CNTN5: variants seen among roughly 807,000 people sequenced by gnomAD.
CNTN5 encodes the protein contactin-5.
CNTN5 carries 77 observed loss-of-function variants against 129.1 expected under a neutral mutation model. That is an observed-to-expected ratio of 0.60 (90% CI 0.50 to 0.72). The LOEUF (loss-of-function observed/expected upper bound fraction) is 0.72. Among genes scored for constraint, CNTN5 ranks in the 30% least tolerant of loss-of-function variants. The pLI is 0.00. For synonymous variants in CNTN5, 509 were observed against 465.6 expected, an observed-to-expected ratio of 1.09 and a Z score of -1.20; for missense variants, 1,478 against 1,328.8, an observed-to-expected ratio of 1.11 and a Z score of -1.75.
rs141703715 is a variant in CNTN5, at chr11:99,114,988, G to A, written c.-210+93718G>A. ...GGGGATTAGTGCCCTTATAGAAGAGGCTCAAGAGAGCTCCCTTCCCCCTTC... is the reference window on the plus strand; with the variant it reads ...GGGGATTAGTGCCCTTATAGAAGAGACTCAAGAGAGCTCCCTTCCCCCTTC... On this transcript the variant is annotated intron_variant, in intron 1 of 24. Coordinates refer to ENST00000524871, the MANE Select transcript of CNTN5 (RefSeq NM_014361.4). Among the ~76,000 whole-genome samples, 472 of 152,194 alleles carry A rather than the reference G, an allele frequency of 3.1e-3. 1 individual carries two copies. The highest frequency in any genetic ancestry group is 0.011 in the African/African-American group (457 of 41,538).
At chr11:100,085,122 G>A (rs1473909433) in intron 13 of CNTN5, among the ~76,000 whole-genome samples, 5 of 152,018 alleles carry the variant, frequency 3.3e-5, no homozygotes, top group Non-Finnish European at 7.4e-5. Flanking sequence ...GGCCCAAAGA[G>A]CACGTGGTAA....
At chr11:100,171,439 G>A (rs1947823084) in intron 13 of CNTN5, among the ~76,000 whole-genome samples, 1 of 151,936 alleles carries the variant, frequency 6.6e-6, no homozygotes, top group Non-Finnish European at 1.5e-5. Flanking sequence ...AATTCTTTAC[G>A]AATATTTGTC....
intron 3 of CNTN5, among the ~76,000 whole-genome samples, chr11:99,634,315 T>A (rs1268441882): frequency 6.6e-6 from 1 of 151,998 alleles, no homozygotes; most frequent in Non-Finnish European, 1.5e-5. Context: ...GAGGGAGATT[T>A]AAGGAAATAC....
chr11:100,022,420 T>G (rs1941210489), intron 9 of CNTN5, among the ~76,000 whole-genome samples: 1 of 152,200 alleles, frequency 6.6e-6, no homozygotes, highest in Admixed American at 6.5e-5. Flanking sequence ...ATTCTATTCT[T>G]TATTCTACCT....
At chr11:99,743,874 T>C (rs1287790367) in intron 3 of CNTN5, among the ~76,000 whole-genome samples, 4 of 152,198 alleles carry the variant, frequency 2.6e-5, no homozygotes, top group African/African-American at 9.7e-5. Flanking sequence ...TCTAATAATT[T>C]AATTCTTCTC....
chr11:99,714,883 T>C (rs1004835763), intron 3 of CNTN5, among the ~76,000 whole-genome samples: 2 of 150,134 alleles, frequency 1.3e-5, no homozygotes, highest in African/African-American at 4.9e-5. Context: ...GCTGTCTAAC[T>C]TCTAGAGACT....
chr11:99,468,879 T>C (rs934792086), intron 2 of CNTN5, among the ~76,000 whole-genome samples: 1 of 152,082 alleles, frequency 6.6e-6, no homozygotes, highest in Non-Finnish European at 1.5e-5. Context: ...AAATGCTTTC[T>C]ACTAGTTTTA....
intron 4 of CNTN5, among the ~76,000 whole-genome samples, chr11:99,831,703 A>C (rs1346452987): frequency 2.0e-5 from 3 of 152,174 alleles, no homozygotes. Flanking sequence ...TTGTCTTATA[A>C]AATCCACTTC....
intron 6 of CNTN5, among the ~76,000 whole-genome samples, chr11:99,907,796 T>G (rs1391795186): frequency 6.6e-6 from 1 of 151,952 alleles, no homozygotes; most frequent in Non-Finnish European, 1.5e-5. Context: ...CAGAAAGTTG[T>G]AAAGTTGTAA....
chr11:99,238,319 A>C (rs1306039354), intron 1 of CNTN5, among the ~76,000 whole-genome samples: 1 of 152,194 alleles, frequency 6.6e-6, no homozygotes, highest in African/African-American at 2.4e-5. Context: ...TATAAAAAAC[A>C]TGGGGCGTTT....
At chr11:99,191,903 GCAGC>G (rs1858662410) in intron 1 of CNTN5, among the ~76,000 whole-genome samples, 1 of 151,678 alleles carries the variant, frequency 6.6e-6, no homozygotes, top group African/African-American at 2.4e-5. Context: ...GTCACTAGAA[GCAGC>G]AAGAATAAGT....
intron 3 of CNTN5, among the ~76,000 whole-genome samples, chr11:99,598,524 T>G (rs1279167227): frequency 6.7e-6 from 1 of 149,996 alleles, no homozygotes; most frequent in African/African-American, 2.4e-5. Flanking sequence ...CTTTCTTTCA[T>G]GGCAGAAGCC....
intron 1 of CNTN5, among the ~76,000 whole-genome samples, chr11:99,207,197 A>T (rs550884837): frequency 9.5e-4 from 144 of 152,244 alleles, no homozygotes; most frequent in African/African-American, 3.4e-3. Context: ...AATTAATGTG[A>T]ATTTAATAAT....
intron 1 of CNTN5, among the ~76,000 whole-genome samples, chr11:99,138,924 T>C (rs893650300): frequency 1.3e-5 from 2 of 152,128 alleles, no homozygotes; most frequent in African/African-American, 4.8e-5. Context: ...AAAATAGATA[T>C]GGTAGCAAAG....
chr11:99,838,770 C>T (rs563769086), intron 4 of CNTN5, among the ~76,000 whole-genome samples: 18 of 152,152 alleles, frequency 1.2e-4, no homozygotes, highest in Non-Finnish European at 1.8e-4. Context: ...AAAAAATTTC[C>T]TTTGGATATG....
At chr11:99,047,839 A>C (rs1205704555) in intron 1 of CNTN5, among the ~76,000 whole-genome samples, 1 of 152,032 alleles carries the variant, frequency 6.6e-6, no homozygotes, top group Non-Finnish European at 1.5e-5. Context: ...ATTTTTATAC[A>C]ATTATTTTAA....
chr11:100,152,756 T>C (rs1179595734), intron 13 of CNTN5, among the ~76,000 whole-genome samples: 1 of 152,148 alleles, frequency 6.6e-6, no homozygotes, highest in Non-Finnish European at 1.5e-5. Context: ...AATGATTCTT[T>C]AAAAATGTCT....
At chr11:99,909,303 A>G (rs1949592128) in intron 6 of CNTN5, among the ~76,000 whole-genome samples, 2 of 152,162 alleles carry the variant, frequency 1.3e-5, no homozygotes, top group African/African-American at 4.8e-5. Flanking sequence ...TTAAAAAATC[A>G]GGAAACAACA....
rs116699800 is a variant in CNTN5, at chr11:99,888,677, A to T, written c.578-27377A>T. 5.0e-3 allele frequency among the ~76,000 whole-genome samples: 764 copies of T among 152,330 alleles called. 8 individuals carry two copies. The highest frequency in any genetic ancestry group is 0.016 in the African/African-American group (682 of 41,576). On this transcript the variant is annotated intron_variant, in intron 6 of 24. Transcript: ENST00000524871. ...GGTAGTGAGCTGTCAGCAATGGGCA[A>T]CATCCCAGGAAAGAAAACCTCTGTG...
Sources: gnomAD v4.1 joint callset for allele counts (sites outside exome capture counted in the v4.1 genomes callset) on GRCh38, gnomAD v4.1.1 for gene constraint, MANE v1.5 for transcripts, NCBI Gene and HGNC (gene_info 2026-07-23, HGNC 2026-07-21) for gene names.